The following CNTN3 variants were observed in gnomAD, a reference collection of about 807,000 sequenced individuals.
CNTN3 encodes the protein contactin-3.
In CNTN3, 60 loss-of-function variants were observed where a neutral mutation model predicts 119.1. The observed-to-expected ratio is 0.50, with a 90% CI of 0.41 to 0.62. CNTN3 has a LOEUF of 0.62. Ranked by LOEUF, CNTN3 falls within the 20% of genes least tolerant of loss-of-function variation. The pLI is 0.00. For synonymous variants in CNTN3, 450 were observed against 438.7 expected (o/e 1.03, Z -0.32); for missense variants, 1,101 against 1,242.4 (o/e 0.89, Z 1.71).
chr3:74,350,317 A>G (rs1436895814), intron 11 of CNTN3, among the ~76,000 whole-genome samples: 1 of 152,230 alleles, frequency 6.6e-6, no homozygotes, highest in African/African-American at 2.4e-5. Context: ...AACAAACATG[A>G]AAAAATGCTC....
intron 4 of CNTN3, among the ~76,000 whole-genome samples, chr3:74,469,317 A>T (rs11719441): frequency 0.55 from 83,497 of 151,824 alleles, 23,306 homozygotes; most frequent in African/African-American, 0.57. Context: ...CCCCGCTAGA[A>T]GACTCTCAAA....
chr3:74,265,215 C>A (rs1021423408), intron 22 of CNTN3, among the ~76,000 whole-genome samples: 1 of 152,016 alleles, frequency 6.6e-6, no homozygotes, highest in African/African-American at 2.4e-5. Flanking sequence ...ATAGAGATGG[C>A]CCTGTGTGGT....
At chr3:74,362,886 T>C (rs557085522) in intron 10 of CNTN3, among the ~76,000 whole-genome samples, 2 of 152,210 alleles carry the variant, frequency 1.3e-5, no homozygotes, top group Non-Finnish European at 2.9e-5. Flanking sequence ...TACATGTGAT[T>C]GTGGTAAAGA....
At chr3:74,507,805 G>T (rs1390729165) in intron 2 of CNTN3, among the ~76,000 whole-genome samples, 2 of 151,692 alleles carry the variant, frequency 1.3e-5, no homozygotes, top group East Asian at 3.9e-4. Context: ...CTAACTTTCT[G>T]TATTTTAGTA....
intron 1 of CNTN3, among the ~76,000 whole-genome samples, chr3:74,540,036 C>T (rs974610984): frequency 1.2e-4 from 18 of 152,086 alleles, no homozygotes; most frequent in African/African-American, 4.3e-4. Context: ...CTCCAGGGGA[C>T]AATGTTTCTA....
intron 1 of CNTN3, among the ~76,000 whole-genome samples, chr3:74,573,701 T>G (rs1704370003): frequency 6.6e-6 from 1 of 151,552 alleles, no homozygotes; most frequent in South Asian, 2.1e-4. Context: ...ACATCATTGG[T>G]CATTAGGGAA....
chr3:74,325,495 T>C (rs1010763410), intron 13 of CNTN3, among the ~76,000 whole-genome samples: 1 of 152,050 alleles, frequency 6.6e-6, no homozygotes, highest in Non-Finnish European at 1.5e-5. Context: ...TTCTCAGCCA[T>C]CTGTTGGCAA....
intron 22 of CNTN3, 37 bp downstream of exon 22, chr3:74,266,444 A>C (rs750903475): frequency 6.3e-7 from 1 of 1,588,014 alleles, no homozygotes; most frequent in Admixed American, 1.7e-5. Flanking sequence ...AGTAACACTG[A>C]TGTCAATAAA....
intron 1 of CNTN3, among the ~76,000 whole-genome samples, chr3:74,597,755 A>G (rs1206720169): frequency 6.6e-6 from 1 of 152,070 alleles, no homozygotes; most frequent in East Asian, 1.9e-4. Flanking sequence ...CATCAAGAGA[A>G]GTTTCTGTTT....
At chr3:74,386,536 T>C (rs1704748734) in intron 5 of CNTN3, among the ~76,000 whole-genome samples, 1 of 152,144 alleles carries the variant, frequency 6.6e-6, no homozygotes, top group Non-Finnish European at 1.5e-5. Flanking sequence ...AGTGAGACCC[T>C]GTCACAAAAA....
At chr3:74,360,793 C>T (rs1051462669) in intron 11 of CNTN3, among the ~76,000 whole-genome samples, 1 of 152,120 alleles carries the variant, frequency 6.6e-6, no homozygotes, top group African/African-American at 2.4e-5. Context: ...TCATCAGGGT[C>T]TTTCTCAGGC....
At chr3:74,536,188 C>T (rs909325859) in intron 1 of CNTN3, among the ~76,000 whole-genome samples, 8 of 151,986 alleles carry the variant, frequency 5.3e-5, no homozygotes, top group African/African-American at 1.9e-4. Flanking sequence ...CCTGTAAGAA[C>T]CAAAACTTTG....
rs555603345 is a variant in CNTN3 at position 74,277,795 on chromosome 3, G to C, written c.2704+7510C>G. On this transcript the variant is annotated intron_variant, in intron 20 of 22. Transcript: ENST00000263665. ...AATCAGACAAGAAAAAGAAATAAAGGGCATCCAGATCAGTAAAGAAGAAGT... is the reference window on the plus strand; with the variant it reads ...AATCAGACAAGAAAAAGAAATAAAGCGCATCCAGATCAGTAAAGAAGAAGT... Among the ~76,000 whole-genome samples the C allele has an allele frequency of 5.3e-5, 8 of 151,956 alleles. No individual in the cohort carries two copies. In the South Asian group the frequency reaches 1.7e-3, roughly 32 times the overall value.
chr3:74,408,270 G>T (rs1701371140), intron 5 of CNTN3, among the ~76,000 whole-genome samples: 1 of 152,110 alleles, frequency 6.6e-6, no homozygotes, highest in Admixed American at 6.5e-5. Context: ...TTGAAAATCT[G>T]ATCTAACTAA....
chr3:74,268,023 G>A (rs1293899955), intron 20 of CNTN3, among the ~76,000 whole-genome samples: 2 of 152,042 alleles, frequency 1.3e-5, no homozygotes, highest in Non-Finnish European at 2.9e-5. Context: ...AATTGCAAGA[G>A]AGTCTATATT....
intron 1 of CNTN3, among the ~76,000 whole-genome samples, chr3:74,534,282 A>T (rs1366217187): frequency 6.6e-6 from 1 of 152,058 alleles, no homozygotes; most frequent in Non-Finnish European, 1.5e-5. Context: ...AACTTAAAAA[A>T]ATCAATATTA....
chr3:74,358,307 G>A (rs567168915), intron 11 of CNTN3, among the ~76,000 whole-genome samples: 1 of 152,202 alleles, frequency 6.6e-6, no homozygotes, highest in South Asian at 2.1e-4. Context: ...ATACAAAGCA[G>A]AGTGTCAGAA....
chr3:74,344,397 GTTTTTTTTTTTTTTTTTTTTTTTTTTTT>G (rs1156579949), intron 11 of CNTN3, among the ~76,000 whole-genome samples: 44 of 32,626 alleles, frequency 1.3e-3, no homozygotes, highest in East Asian at 2.3e-3. Flanking sequence ...TTACACAGTG[GTTTTTTTTTTTTTTTTTTTTTTTTTTTT>G]TTTTTTTTTT....
At chr3:74,541,698 T>C (rs986464405) in intron 1 of CNTN3, among the ~76,000 whole-genome samples, 6 of 152,188 alleles carry the variant, frequency 3.9e-5, no homozygotes, top group African/African-American at 1.4e-4. Context: ...TATTAAGCTA[T>C]GTGCTGGGGT....
Sources: gnomAD v4.1 joint callset for allele counts (sites outside exome capture counted in the v4.1 genomes callset) on GRCh38, gnomAD v4.1.1 for gene constraint, MANE v1.5 for transcripts, NCBI Gene and HGNC (gene_info 2026-07-23, HGNC 2026-07-21) for gene names.